CAMSAP2: variants seen among roughly 807,000 people sequenced by gnomAD.
CAMSAP2 encodes the protein calmodulin regulated spectrin associated protein family member 2, also known as calmodulin-regulated spectrin-associated protein 2.
In CAMSAP2, 26 loss-of-function variants were observed where a neutral mutation model predicts 146.1. The ratio of observed to expected loss-of-function variants is 0.18; its 90% CI spans 0.13 to 0.25. CAMSAP2 has a LOEUF of 0.25. Among genes scored for constraint, CAMSAP2 ranks in the 10% least tolerant of loss-of-function variants. The pLI, the probability that CAMSAP2 is intolerant of heterozygous loss-of-function variation, is 1.00. For synonymous variants in CAMSAP2, 499 were observed against 596.6 expected, an observed-to-expected ratio of 0.84 and a Z score of 2.38; for missense variants, 1,381 against 1,759.3, an observed-to-expected ratio of 0.78 and a Z score of 3.85.
At chr1:200,746,757 TACAG>T in intron 1 of CAMSAP2, among the ~76,000 whole-genome samples, 1 of 152,128 alleles carries the variant, frequency 6.6e-6, no homozygotes, top group South Asian at 2.1e-4. Context: ...TAGCTGGGAC[TACAG>T]GAGCCCACCA....
intron 12 of CAMSAP2, 89 bp downstream of exon 12, chr1:200,852,766 G>A (rs1014962931): frequency 7.5e-7 from 1 of 1,328,014 alleles, no homozygotes; most frequent in Non-Finnish European, 1.0e-6. Flanking sequence ...TCAAAGAGGT[G>A]GTCTCTCATT....
At chr1:200,740,302 T>C (rs1295869218) in intron 1 of CAMSAP2, among the ~76,000 whole-genome samples, 1 of 152,102 alleles carries the variant, frequency 6.6e-6, no homozygotes, top group Admixed American at 6.5e-5. Flanking sequence ...CATTTCTGCC[T>C]CAGTCATAAT....
intron 2 of CAMSAP2, among the ~76,000 whole-genome samples, chr1:200,799,082 G>A (rs1207957545): frequency 2.6e-5 from 4 of 152,162 alleles, no homozygotes; most frequent in African/African-American, 4.8e-5. Context: ...GTGTTTTATT[G>A]AGGGTTTTCA....
Position 200,768,656 on chromosome 1 carries a change from T to G in CAMSAP2, c.399+7558T>G, listed in dbSNP as rs116858474. ...AGGGTTGAGTGGGAGAGACTTTTTT[T>G]TTGTTGTTGTTGTTTTGAGATGGAG... On this transcript the variant is annotated intron_variant, in intron 2 of 16. Coordinates refer to ENST00000358823, the MANE Select transcript of CAMSAP2 (RefSeq NM_203459.4). 4.6e-3 allele frequency among the ~76,000 whole-genome samples: 696 copies of G among 152,064 alleles called. 12 individuals carry two copies. The East Asian group carries it at 0.057, about 12-fold the overall frequency.
intron 2 of CAMSAP2, among the ~76,000 whole-genome samples, chr1:200,772,198 A>G (rs901855331): frequency 1.3e-5 from 2 of 152,200 alleles, no homozygotes; most frequent in African/African-American, 4.8e-5. Context: ...AAACAAAAGT[A>G]CTTATCCTTG....
chr1:200,774,007 A>G (rs565450439), intron 2 of CAMSAP2, among the ~76,000 whole-genome samples: 134 of 152,310 alleles, frequency 8.8e-4, no homozygotes, highest in Middle Eastern at 3.4e-3. Context: ...TTAAAACTAC[A>G]TATTTTTCTG....
chr1:200,830,560 A>C (rs1667016212), intron 4 of CAMSAP2, among the ~76,000 whole-genome samples: 1 of 152,228 alleles, frequency 6.6e-6, no homozygotes, highest in African/African-American at 2.4e-5. Flanking sequence ...AGGATCTGGA[A>C]CAGATACTAA....
chr1:200,751,017 C>T (rs1664491023), intron 1 of CAMSAP2, among the ~76,000 whole-genome samples: 1 of 151,090 alleles, frequency 6.6e-6, no homozygotes, highest in South Asian at 2.1e-4. Flanking sequence ...ATTCTCATGC[C>T]TCAGCCACCC....
intron 2 of CAMSAP2, 108 bp from the exon 3 acceptor site, chr1:200,807,268 G>T: frequency 1.2e-6 from 1 of 803,402 alleles, no homozygotes. Flanking sequence ...CTGGTCTTCT[G>T]TAGTTATTCT....
intron 1 of CAMSAP2, among the ~76,000 whole-genome samples, chr1:200,759,879 GAT>G (rs1664753923): frequency 6.6e-6 from 1 of 152,242 alleles, no homozygotes; most frequent in Non-Finnish European, 1.5e-5. Context: ...AGGAGGAAGA[GAT>G]ACAGGGTAGA....
intron 2 of CAMSAP2, among the ~76,000 whole-genome samples, chr1:200,785,979 G>A (rs1665579402): frequency 6.6e-6 from 1 of 152,080 alleles, no homozygotes; most frequent in African/African-American, 2.4e-5. Flanking sequence ...CGTGAGCCAC[G>A]GCACCCAGCC....
chr1:200,779,738 T>A (rs1281776642), intron 2 of CAMSAP2, among the ~76,000 whole-genome samples: 1 of 152,232 alleles, frequency 6.6e-6, no homozygotes, highest in Non-Finnish European at 1.5e-5. Flanking sequence ...AATGCCTATT[T>A]TTTTTTCTGA....
chr1:200,854,770 C>A, intron 13 of CAMSAP2, 47 bp from the exon 14 acceptor site: 1 of 1,468,222 alleles, frequency 6.8e-7, no homozygotes, highest in Non-Finnish European at 9.4e-7. Flanking sequence ...TTTTAAATTT[C>A]TGATTTTGTT....
intron 2 of CAMSAP2, among the ~76,000 whole-genome samples, chr1:200,785,974 G>A (rs1665578998): frequency 6.6e-6 from 1 of 152,258 alleles, no homozygotes; most frequent in South Asian, 2.1e-4. Context: ...ACAGGCGTGA[G>A]CCACGGCACC....
intron 2 of CAMSAP2, among the ~76,000 whole-genome samples, chr1:200,767,786 C>G (rs1374057973): frequency 6.6e-6 from 1 of 152,152 alleles, no homozygotes; most frequent in Non-Finnish European, 1.5e-5. Flanking sequence ...ATGCACAGTG[C>G]TAGAACTCAA....
chr1:200,786,420 G>T (rs1269094791), intron 2 of CAMSAP2, among the ~76,000 whole-genome samples: 2 of 147,550 alleles, frequency 1.4e-5, no homozygotes, highest in Admixed American at 6.9e-5. Context: ...GTCTTGCTCT[G>T]TCGCCCAGGC....
Position 200,849,609 on chromosome 1 carries a change from C to T in CAMSAP2, c.2840C>T (p.Pro947Leu). Residue 947 changes from proline (P) to leucine (L), a missense_variant, in exon 11 of 17, where the codon CCA (proline) becomes CTA (leucine). By Grantham distance (98) the Pro-to-Leu change is moderately conservative. This residue lies in a region of CAMSAP2 where 560 missense variants were observed against 715.9 expected (regional missense o/e 0.78). Transcript: ENST00000358823. This position sits in a 1 kb window ranked among gnomAD's most constrained non-coding sequence, Gnocchi z 6.3. ...GCAGGCCTGTCATCAGCCATTGCAC[C>T]ATTCTCCTCAGACTCCCCTCGTCCT... is the stretch of plus-strand genomic sequence containing the variant. ...KQAGLSSAIAPFSSDSPRPTH... is the reference protein window; with the variant it reads ...KQAGLSSAIALFSSDSPRPTH... The T allele has an allele frequency of 6.2e-7, 1 of 1,614,194 alleles. No homozygotes were observed. The highest frequency in any genetic ancestry group is 8.5e-7 in the Non-Finnish European group (1 of 1,180,024).
intron 2 of CAMSAP2, among the ~76,000 whole-genome samples, chr1:200,765,994 C>G (rs1664938568): frequency 1.3e-5 from 2 of 152,146 alleles, no homozygotes; most frequent in Admixed American, 1.3e-4. Context: ...GTTACAGAAT[C>G]ATGGAATAGA....
At chr1:200,793,018 A>C (rs923021597) in intron 2 of CAMSAP2, among the ~76,000 whole-genome samples, 2 of 152,222 alleles carry the variant, frequency 1.3e-5, no homozygotes, top group Non-Finnish European at 2.9e-5. Context: ...ATGAGGAATG[A>C]ATTTTTAAGA....
Sources: gnomAD v4.1 joint callset for allele counts (sites outside exome capture counted in the v4.1 genomes callset) on GRCh38, gnomAD v4.1.1 for gene constraint, gnomAD v4.1.1 regional missense constraint, Gnocchi (gnomAD v3.1) non-coding constraint, MANE v1.5 for transcripts, NCBI Gene and HGNC (gene_info 2026-07-23, HGNC 2026-07-21) for gene names.